HRH1: variants seen among roughly 807,000 people sequenced by gnomAD.
HRH1 encodes histamine receptor H1, also known as histamine H1 receptor.
Under a neutral mutation model 10.3 loss-of-function variants are expected in HRH1, and 6 were observed. The observed-to-expected ratio is 0.58, with a 90% CI of 0.32 to 1.15. The LOEUF is 1.15. Ranked by LOEUF, HRH1 falls within the 50% of genes most tolerant of loss-of-function variation. The probability of loss-of-function intolerance (pLI) is 0.05; values close to 1 mark genes in which losing one functional copy is unlikely to be tolerated. For synonymous variants in HRH1, 242 were observed against 236.7 expected (o/e 1.02, Z -0.21); for missense variants, 514 against 615.3 (o/e 0.84, Z 1.74).
chr3:11,155,465 C>A (rs770406947), intron 1 of HRH1, among the ~76,000 whole-genome samples: 6 of 152,150 alleles, frequency 3.9e-5, no homozygotes, highest in Non-Finnish European at 7.3e-5. Flanking sequence ...TGCTCTGTTA[C>A]CCCACCCCCA....
intron 1 of HRH1, among the ~76,000 whole-genome samples, chr3:11,197,673 G>T (rs1937716050): frequency 6.6e-6 from 1 of 152,098 alleles, no homozygotes. Context: ...GTAATCACTG[G>T]TCATCGCTGT....
At chr3:11,252,427 C>G (rs985869847) in intron 1 of HRH1, among the ~76,000 whole-genome samples, 2 of 152,180 alleles carry the variant, frequency 1.3e-5, no homozygotes, top group Non-Finnish European at 2.9e-5. Context: ...GGGACATATG[C>G]ACGAGGGCAG....
intron 1 of HRH1, among the ~76,000 whole-genome samples, chr3:11,220,532 C>T (rs765027571): frequency 1.1e-4 from 16 of 152,216 alleles, no homozygotes; most frequent in Non-Finnish European, 2.2e-4. Context: ...TGTGGAGCTG[C>T]AGGGCTGCCC....
At chr3:11,160,195 T>C (rs1936897035) in intron 1 of HRH1, among the ~76,000 whole-genome samples, 1 of 152,220 alleles carries the variant, frequency 6.6e-6, no homozygotes, top group African/African-American at 2.4e-5. Flanking sequence ...TGTCATGTTA[T>C]CAGTTTTTGT....
chr3:11,250,112 C>G lies in HRH1; in HGVS notation c.-35-8891C>G, dbSNP rs546642592. 8.3e-5 allele frequency among the ~76,000 whole-genome samples: 12 copies of G among 145,330 alleles called. No homozygotes were observed. The East Asian group carries it at 1.2e-3, about 15-fold the overall frequency. The stretch of plus-strand genomic sequence containing the variant: ...GGCTGGAGTGCAGTGGCGCGATCTC[C>G]GCTCACTGCAGGCTCCGACTCCCGC... On this transcript the variant is annotated intron_variant, in intron 1 of 1. Transcript: ENST00000431010.
chr3:11,253,812 A>G (rs897507745), intron 1 of HRH1, among the ~76,000 whole-genome samples: 3 of 152,166 alleles, frequency 2.0e-5, no homozygotes, highest in Non-Finnish European at 4.4e-5. Context: ...TGAGAATAAG[A>G]TGTCTAAGAT....
intron 1 of HRH1, among the ~76,000 whole-genome samples, chr3:11,198,962 C>T (rs1937791213): frequency 1.3e-5 from 2 of 151,316 alleles, no homozygotes; most frequent in Admixed American, 6.6e-5. Flanking sequence ...CTCACTCCAT[C>T]AGTCAGGCTG....
At chr3:11,196,372 A>G (rs569129105) in intron 1 of HRH1, among the ~76,000 whole-genome samples, 122 of 151,826 alleles carry the variant, frequency 8.0e-4, no homozygotes, top group Middle Eastern at 6.8e-3. Context: ...CACATTTGCC[A>G]CAAACACACT....
rs556642804 is a variant in HRH1, at chr3:11,224,524, G to A, written c.-35-34479G>A. 5.3e-5 allele frequency among the ~76,000 whole-genome samples: 8 copies of A among 152,064 alleles called. No individual in the cohort carries two copies. The East Asian group carries it at 5.8e-4, about 11-fold the overall frequency. On this transcript the variant is annotated intron_variant, in intron 1 of 1. Coordinates refer to ENST00000431010, the MANE Select transcript of HRH1 (RefSeq NM_001098212.2). ...CATCCTGGCTAACACGGTGAAACCC[G>A]GTCTCTACTAAAAAATACAAAAAAA... is the stretch of plus-strand genomic sequence containing the variant.
chr3:11,223,901 A>T (rs1938795827), intron 1 of HRH1, among the ~76,000 whole-genome samples: 1 of 152,086 alleles, frequency 6.6e-6, no homozygotes, highest in South Asian at 2.1e-4. Context: ...GAGCACACAA[A>T]TCCTTGCCCT....
rs200086906 is a variant in HRH1 at position 11,260,190 on chromosome 3, G to A, written c.1153G>A (p.Asp385Asn). 7.4e-6 allele frequency: 12 copies of A among 1,614,056 alleles called. No homozygotes were observed. The highest frequency in any genetic ancestry group is 9.3e-6 in the Non-Finnish European group (11 of 1,180,012). The change falls in exon 2 of 2, where the codon GAT (aspartate) becomes AAT (asparagine). Residue 385 changes from aspartate to asparagine, a missense_variant. By Grantham distance (23) the Asp-to-Asn change is conservative (BLOSUM62 1). Transcript: ENST00000431010. ...KLRSGSNTGL[D>N]YIKFTWKRLR... ...GAGGAGTGGGTCTAACACAGGCCTG[G>A]ATTACATCAAGTTTACTTGGAAGAG... is the stretch of plus-strand genomic sequence containing the variant.
At chr3:11,168,747 G>A (rs1027186339) in intron 1 of HRH1, among the ~76,000 whole-genome samples, 8 of 152,364 alleles carry the variant, frequency 5.3e-5, no homozygotes, top group South Asian at 2.1e-4. Context: ...AGGGCTGGGG[G>A]TGCGGGCTGT....
chr3:11,256,347 A>G (rs1939781901), intron 1 of HRH1, among the ~76,000 whole-genome samples: 1 of 152,194 alleles, frequency 6.6e-6, no homozygotes, highest in African/African-American at 2.4e-5. Context: ...ACATGAGAAG[A>G]TGGAGGCCAA....
upstream of HRH1, among the ~76,000 whole-genome samples, chr3:11,154,009 C>T (rs188831015): frequency 1.4e-4 from 21 of 152,266 alleles, no homozygotes; most frequent in East Asian, 3.3e-3. This position sits in a 1 kb window ranked among gnomAD's most constrained non-coding sequence, Gnocchi z 4.4. Flanking sequence ...GAATGAGGGG[C>T]GCAGGTATCA....
intron 1 of HRH1, among the ~76,000 whole-genome samples, chr3:11,246,121 C>A (rs1939478934): frequency 6.6e-6 from 1 of 151,982 alleles, no homozygotes; most frequent in Non-Finnish European, 1.5e-5. Flanking sequence ...CATGCACATA[C>A]ACATTCACTC....
At chr3:11,154,460 G>C (rs975531384), upstream of HRH1, 3 of 119,698 alleles carry the variant, frequency 2.5e-5, no homozygotes, top group African/African-American at 9.7e-5. The surrounding 1 kb of genome is among the most constrained non-coding windows in gnomAD (Gnocchi z 4.4). Flanking sequence ...CGCTCCCCGA[G>C]AGCTCCCCGG....
intron 1 of HRH1, among the ~76,000 whole-genome samples, chr3:11,197,110 G>A (rs1339831092): frequency 6.9e-6 from 1 of 145,048 alleles, no homozygotes; most frequent in African/African-American, 2.6e-5. Flanking sequence ...GGGCTACAGA[G>A]CGAGACTCCA....
At chr3:11,173,304 C>T (rs995136835) in intron 1 of HRH1, among the ~76,000 whole-genome samples, 3 of 151,514 alleles carry the variant, frequency 2.0e-5, no homozygotes, top group African/African-American at 7.3e-5. Flanking sequence ...ATTATGATTA[C>T]TGACATAATA....
At chr3:11,212,109 C>T (rs555757589) in intron 1 of HRH1, among the ~76,000 whole-genome samples, 103 of 152,144 alleles carry the variant, frequency 6.8e-4, no homozygotes, top group African/African-American at 2.2e-3. Context: ...GCTGTCCTGC[C>T]GTGAAATGGC....
Sources: gnomAD v4.1 joint callset for allele counts (sites outside exome capture counted in the v4.1 genomes callset) on GRCh38, gnomAD v4.1.1 for gene constraint, Gnocchi (gnomAD v3.1) non-coding constraint, MANE v1.5 for transcripts, NCBI Gene and HGNC (gene_info 2026-07-23, HGNC 2026-07-21) for gene names.